The following PELI2 variants were observed in gnomAD, a reference collection of about 807,000 sequenced individuals.
PELI2 encodes the protein E3 ubiquitin-protein ligase pellino homolog 2.
In PELI2, 23 loss-of-function variants were observed where a neutral mutation model predicts 42.3. The observed-to-expected ratio is 0.54, with a 90% CI of 0.39 to 0.77. The LOEUF is 0.77. Among genes scored for constraint, PELI2 ranks in the 30% least tolerant of loss-of-function variants. PELI2 has a pLI of 0.00. For synonymous variants in PELI2, 245 were observed against 212.2 expected (o/e 1.15, Z -1.34); for missense variants, 463 against 553.2 (o/e 0.84, Z 1.64).
At chr14:56,126,631 T>C (rs979162571) in intron 1 of PELI2, among the ~76,000 whole-genome samples, 2 of 152,216 alleles carry the variant, frequency 1.3e-5, no homozygotes, top group Non-Finnish European at 2.9e-5. Flanking sequence ...GTGGCCCCCC[T>C]CCTTTCCCAT....
At chr14:56,212,842 C>G (rs780918405) in intron 2 of PELI2, among the ~76,000 whole-genome samples, 2 of 152,210 alleles carry the variant, frequency 1.3e-5, no homozygotes, top group Non-Finnish European at 2.9e-5. Flanking sequence ...TGAGCACACA[C>G]CTGCCCCACA....
intron 2 of PELI2, among the ~76,000 whole-genome samples, chr14:56,211,912 C>G (rs1258050135): frequency 3.3e-5 from 5 of 152,076 alleles, no homozygotes; most frequent in Non-Finnish European, 7.4e-5. Flanking sequence ...CATGTTGGCT[C>G]TCCCCCAGGA....
At chr14:56,194,845 A>G (rs966199740) in intron 2 of PELI2, among the ~76,000 whole-genome samples, 8 of 152,108 alleles carry the variant, frequency 5.3e-5, no homozygotes, top group African/African-American at 1.7e-4. Flanking sequence ...AATTCAGTCA[A>G]TGGAGAATTG....
rs969543077 is a variant in PELI2, at chr14:56,219,116, A to T, written c.207+40652A>T. Reference sequence around the variant, plus strand: ...GGGAAGGTAGCTTCAAATACAAGCCATTTTAAGTATCCTGGTCTCTTAATT... The same window carrying T: ...GGGAAGGTAGCTTCAAATACAAGCCTTTTTAAGTATCCTGGTCTCTTAATT... On this transcript the variant is annotated intron_variant, in intron 2 of 5. Coordinates refer to ENST00000267460, the MANE Select transcript of PELI2 (RefSeq NM_021255.3). The surrounding 1 kb of genome is among the most constrained non-coding windows in gnomAD (Gnocchi z 4.1). Among the ~76,000 whole-genome samples the T allele has an allele frequency of 6.6e-6, 1 of 151,794 alleles. No individual in the cohort carries two copies. Among genetic ancestry groups the T allele is most frequent in the Admixed American group, 6.5e-5 (1 of 15,268 alleles).
chr14:56,235,486 C>A (rs1386135686), intron 2 of PELI2, among the ~76,000 whole-genome samples: 2 of 152,212 alleles, frequency 1.3e-5, no homozygotes, highest in Non-Finnish European at 2.9e-5. Context: ...CGGGTGGCAT[C>A]TTTCTTTGTT....
At chr14:56,166,566 A>G (rs1884971898) in intron 1 of PELI2, among the ~76,000 whole-genome samples, 1 of 152,200 alleles carries the variant, frequency 6.6e-6, no homozygotes, top group Non-Finnish European at 1.5e-5. Flanking sequence ...GGTATTGATG[A>G]AATTTCTCAG....
intron 2 of PELI2, among the ~76,000 whole-genome samples, chr14:56,236,948 G>T (rs1887816147): frequency 6.6e-6 from 1 of 152,158 alleles, no homozygotes; most frequent in Admixed American, 6.5e-5. Context: ...CAAATACTGA[G>T]GCTGTGGTCC....
intron 2 of PELI2, among the ~76,000 whole-genome samples, chr14:56,232,462 A>G (rs144931527): frequency 6.6e-6 from 1 of 152,322 alleles, no homozygotes; most frequent in East Asian, 1.9e-4. Flanking sequence ...AACATACGCA[A>G]ATCAATAAAT....
rs558879816 is a variant in PELI2 at position 56,195,400 on chromosome 14, C to CG, written c.207+16936_207+16937insG. Among the ~76,000 whole-genome samples, 708 of 152,268 alleles carry CG rather than the reference C, an allele frequency of 4.6e-3. 3 individuals are homozygous for CG. Among genetic ancestry groups the CG allele is most frequent in the Non-Finnish European group, 5.4e-3 (369 of 68,022 alleles). On this transcript the variant is annotated intron_variant, in intron 2 of 5. Transcript: ENST00000267460. ...CTGCCAGGAGAGAGCAGAGCTTCCC[C>CG]TTCCTGTGAGCAGCCCTGGGTGGTC...
At chr14:56,290,521 A>G (rs1011007548) in intron 5 of PELI2, 65 bp downstream of exon 5, 15 of 1,239,150 alleles carry the variant, frequency 1.2e-5, no homozygotes, top group Non-Finnish European at 1.6e-5. Flanking sequence ...GAAGGCTATC[A>G]TTTTCCTCCC....
chr14:56,118,821 G>C (rs1199261782), intron 1 of PELI2, 84 bp downstream of exon 1: 2 of 930,350 alleles, frequency 2.1e-6, no homozygotes, highest in Non-Finnish European at 3.0e-6. Flanking sequence ...GGGTGGCTCG[G>C]TGCTCTTTGG....
At chr14:56,285,819 G>A (rs572516800) in intron 3 of PELI2, among the ~76,000 whole-genome samples, 4 of 152,214 alleles carry the variant, frequency 2.6e-5, no homozygotes, top group East Asian at 1.9e-4. Context: ...AGAGAAACAG[G>A]GCTGGAGCCT....
intron 1 of PELI2, 60 bp downstream of exon 1, chr14:56,118,797 G>A: frequency 8.2e-7 from 1 of 1,216,176 alleles, no homozygotes. Flanking sequence ...CCGCATCCTG[G>A]AGCGGGGCTG....
At chr14:56,231,466 G>A (rs1887569864) in intron 2 of PELI2, among the ~76,000 whole-genome samples, 1 of 152,142 alleles carries the variant, frequency 6.6e-6, no homozygotes. Context: ...ACTCAAAACT[G>A]CTCAACTACA....
chr14:56,178,512 C>T (rs780784345), intron 2 of PELI2, 48 bp downstream of exon 2: 2 of 1,597,958 alleles, frequency 1.3e-6, no homozygotes, highest in Non-Finnish European at 1.7e-6. Context: ...AACAGTGACT[C>T]ACAGATACTC....
chr14:56,128,756 A>G (rs1044451727), intron 1 of PELI2, among the ~76,000 whole-genome samples: 5 of 151,930 alleles, frequency 3.3e-5, no homozygotes, highest in African/African-American at 1.2e-4. Context: ...TATAGTAGGT[A>G]ATCTCAGAGT....
chr14:56,204,644 G>C (rs1886449606), intron 2 of PELI2, among the ~76,000 whole-genome samples: 1 of 152,050 alleles, frequency 6.6e-6, no homozygotes. Flanking sequence ...TTTTCATAAA[G>C]ATGGTGTTTG....
chr14:56,186,731 G>A (rs1253827711), intron 2 of PELI2, among the ~76,000 whole-genome samples: 1 of 152,126 alleles, frequency 6.6e-6, no homozygotes, highest in African/African-American at 2.4e-5. Context: ...AATTATCTGT[G>A]TAATTATCTG....
At chr14:56,169,762 C>T (rs1179811239) in intron 1 of PELI2, among the ~76,000 whole-genome samples, 1 of 152,128 alleles carries the variant, frequency 6.6e-6, no homozygotes, top group African/African-American at 2.4e-5. Flanking sequence ...TTTAATTCTG[C>T]CATATTGCTC....
Sources: allele counts gnomAD v4.1 joint callset (sites outside exome capture counted in the v4.1 genomes callset), GRCh38; gene constraint gnomAD v4.1.1; non-coding constraint Gnocchi (gnomAD v3.1); transcripts MANE v1.5; gene names NCBI Gene and HGNC (gene_info 2026-07-23, HGNC 2026-07-21).